RIT2: variants seen among roughly 807,000 people sequenced by gnomAD.
RIT2 encodes GTP-binding protein Rit2.
RIT2 carries 24 observed loss-of-function variants against 23.7 expected under a neutral mutation model. That is an observed-to-expected ratio of 1.01 (90% CI 0.73 to 1.43). The LOEUF (loss-of-function observed/expected upper bound fraction) is 1.43, where lower values mean the gene tolerates loss of function less well. RIT2 is among the 40% of genes most tolerant of loss of function. RIT2 has a pLI of 0.00. For missense variants in RIT2, 236 were observed against 266.9 expected, an observed-to-expected ratio of 0.88 and a Z score of 0.81; for synonymous variants, 107 against 91.1, an observed-to-expected ratio of 1.17 and a Z score of -0.99.
chr18:42,781,608 A>G (rs943597506), intron 4 of RIT2, among the ~76,000 whole-genome samples: 1 of 152,178 alleles, frequency 6.6e-6, no homozygotes, highest in African/African-American at 2.4e-5. Context: ...ACCCAGAGGA[A>G]TGGTAAAATT....
intron 4 of RIT2, among the ~76,000 whole-genome samples, chr18:42,819,681 C>T (rs975936947): frequency 6.6e-6 from 1 of 152,068 alleles, no homozygotes; most frequent in Non-Finnish European, 1.5e-5. Flanking sequence ...AATGACTTTA[C>T]AAACATGTAC....
chr18:42,807,542 G>A (rs578151087), intron 4 of RIT2, among the ~76,000 whole-genome samples: 4 of 152,086 alleles, frequency 2.6e-5, no homozygotes, highest in Non-Finnish European at 5.9e-5. Flanking sequence ...GCTTGAACCC[G>A]GGAAGCAGAG....
At chr18:43,036,626 T>C (rs952575170) in intron 1 of RIT2, among the ~76,000 whole-genome samples, 1 of 152,112 alleles carries the variant, frequency 6.6e-6, no homozygotes, top group Non-Finnish European at 1.5e-5. Context: ...GTTTGTGCTT[T>C]AATGGAAACC....
intron 4 of RIT2, among the ~76,000 whole-genome samples, chr18:42,866,207 T>A (rs1907465747): frequency 6.6e-6 from 1 of 152,212 alleles, no homozygotes; most frequent in South Asian, 2.1e-4. Flanking sequence ...AGCATTCAAG[T>A]TACTAATAGA....
At chr18:42,977,861 G>C (rs1279579782) in intron 2 of RIT2, among the ~76,000 whole-genome samples, 1 of 148,934 alleles carries the variant, frequency 6.7e-6, no homozygotes, top group African/African-American at 2.5e-5. Flanking sequence ...CATTCTAAAT[G>C]TATTCAGCAT....
At chr18:43,060,452 C>T (rs1912617920) in intron 1 of RIT2, among the ~76,000 whole-genome samples, 1 of 152,104 alleles carries the variant, frequency 6.6e-6, no homozygotes, top group Non-Finnish European at 1.5e-5. Flanking sequence ...TAAAATTGCA[C>T]TTACAGTTAA....
chr18:42,804,818 TA>T, intron 4 of RIT2, among the ~76,000 whole-genome samples: 1 of 152,120 alleles, frequency 6.6e-6, no homozygotes. Flanking sequence ...TTTGCAGGCA[TA>T]AATTTTAAAA....
chr18:42,995,122 C>T (rs903244976), intron 2 of RIT2, among the ~76,000 whole-genome samples: 1 of 152,174 alleles, frequency 6.6e-6, no homozygotes, highest in Non-Finnish European at 1.5e-5. Flanking sequence ...CTAATCACCA[C>T]ACACCAGCAA....
At chr18:42,920,887 C>A (rs962690683) in intron 4 of RIT2, 47 of 660,494 alleles carry the variant, frequency 7.1e-5, no homozygotes, top group Admixed American at 1.3e-4. Context: ...TCAGAGAATT[C>A]TTTTGAGCTG....
At chr18:42,988,628 A>G (rs1356581506) in intron 2 of RIT2, among the ~76,000 whole-genome samples, 1 of 152,194 alleles carries the variant, frequency 6.6e-6, no homozygotes, top group Non-Finnish European at 1.5e-5. Flanking sequence ...CCCTATTAAA[A>G]TGCAATAAAA....
chr18:42,772,760 C>T (rs1439282468), intron 4 of RIT2, among the ~76,000 whole-genome samples: 1 of 152,110 alleles, frequency 6.6e-6, no homozygotes, highest in Non-Finnish European at 1.5e-5. Context: ...AACTGATCAC[C>T]AGAAAGGCCA....
intron 4 of RIT2, among the ~76,000 whole-genome samples, chr18:42,920,939 C>T (rs1387642851): frequency 6.6e-6 from 1 of 151,272 alleles, no homozygotes; most frequent in Non-Finnish European, 1.5e-5. Flanking sequence ...TCTTTTGAGT[C>T]TGCTTTTTTT....
At chr18:42,857,579 A>G (rs1354491922) in intron 4 of RIT2, among the ~76,000 whole-genome samples, 4 of 152,220 alleles carry the variant, frequency 2.6e-5, no homozygotes, top group African/African-American at 7.2e-5. Context: ...TAGGTAAAAG[A>G]GCTTAATCCT....
chr18:42,928,174 C>T (rs894257527), intron 3 of RIT2, among the ~76,000 whole-genome samples: 1 of 151,846 alleles, frequency 6.6e-6, no homozygotes, highest in South Asian at 2.1e-4. Context: ...TTAATAAGTC[C>T]GTCAGTCATA....
At chr18:43,008,362 T>C (rs916435730) in intron 2 of RIT2, among the ~76,000 whole-genome samples, 2 of 151,478 alleles carry the variant, frequency 1.3e-5, no homozygotes, top group Non-Finnish European at 3.0e-5. Context: ...ACTATAGTTC[T>C]ACTTTTATCA....
chr18:43,089,113 A>G (rs765672606), intron 1 of RIT2, among the ~76,000 whole-genome samples: 15 of 152,214 alleles, frequency 9.9e-5, no homozygotes, highest in African/African-American at 3.4e-4. Flanking sequence ...CAGGGCAATC[A>G]GGCAAGAGAA....
chr18:42,778,049 C>T (rs560814760), intron 4 of RIT2, among the ~76,000 whole-genome samples: 55 of 152,290 alleles, frequency 3.6e-4, no homozygotes, highest in Middle Eastern at 6.8e-3. Context: ...TGCCCTACAA[C>T]TGCCATTTGG....
intron 4 of RIT2, among the ~76,000 whole-genome samples, chr18:42,777,716 T>C (rs957070655): frequency 6.6e-6 from 1 of 152,190 alleles, no homozygotes; most frequent in African/African-American, 2.4e-5. Context: ...TCTTATTTTT[T>C]CTTTGGAAGC....
At chr18:42,847,568 C>T (rs1370292531) in intron 4 of RIT2, among the ~76,000 whole-genome samples, 5 of 151,982 alleles carry the variant, frequency 3.3e-5, no homozygotes, top group East Asian at 1.9e-4. Context: ...AAGATGGTTG[C>T]GTCATCTGTC....
Sources: gnomAD v4.1 joint callset for allele counts (sites outside exome capture counted in the v4.1 genomes callset) on GRCh38, gnomAD v4.1.1 for gene constraint, MANE v1.5 for transcripts, NCBI Gene and HGNC (gene_info 2026-07-23, HGNC 2026-07-21) for gene names.